The following BARD1 variants were observed in gnomAD, a reference collection of about 807,000 sequenced individuals.
BARD1 encodes BRCA1 associated RING domain 1, also known as BRCA1-associated RING domain protein 1.
A neutral mutation model predicts 77.0 loss-of-function variants in BARD1; 73 were observed. The observed-to-expected ratio is 0.95, with a 90% CI of 0.79 to 1.15. BARD1 has a LOEUF of 1.15. BARD1 is among the 50% of genes most tolerant of loss of function. BARD1 has a pLI of 0.00. For synonymous variants in BARD1, 384 were observed against 338.0 expected, an observed-to-expected ratio of 1.14 and a Z score of -1.49; for missense variants, 993 against 938.8, an observed-to-expected ratio of 1.06 and a Z score of -0.75.
intron 7 of BARD1, among the ~76,000 whole-genome samples, chr2:214,747,627 G>T (rs1693190899): frequency 6.8e-6 from 1 of 146,186 alleles, no homozygotes; most frequent in South Asian, 2.2e-4. Flanking sequence ...AACACCGCAT[G>T]TTCTCACTCA....
At position 214,728,182 on chromosome 2, in the gene BARD1, T is replaced by A. The variant is rs1979028; in HGVS notation, c.*494A>T. ...TGAACACAATATAGGATAAAGACAA[T>A]TGCAGATAGGAGAATTTAACACCTA... On this transcript the variant is annotated 3_prime_UTR_variant, in exon 11 of 11. Coordinates refer to ENST00000260947, the MANE Select transcript of BARD1 (RefSeq NM_000465.4). 74,468 of 229,966 alleles carry A rather than the reference T, an allele frequency of 0.32. 12,426 individuals carry two copies. Among genetic ancestry groups the A allele is most frequent in the South Asian group, 0.41 (2,322 of 5,638 alleles). The allele number at this position is 229,966 out of a possible 1,614,324, so 14.2% of individuals were successfully genotyped here. A position where few individuals can be genotyped will look rare whatever the true frequency, so the allele number is the denominator to read the frequency against.
chr2:214,800,037 C>T (rs1695944260), intron 1 of BARD1, among the ~76,000 whole-genome samples: 1 of 152,216 alleles, frequency 6.6e-6, no homozygotes, highest in Admixed American at 6.5e-5. Context: ...TGTAGGCATA[C>T]CCCCAGGATG....
At chr2:214,762,645 TATTC>T (rs1055086687) in intron 6 of BARD1, among the ~76,000 whole-genome samples, 105 of 152,314 alleles carry the variant, frequency 6.9e-4, no homozygotes, top group African/African-American at 2.4e-3. Flanking sequence ...CAAACTGATG[TATTC>T]ATTTAAAGAA....
rs1045895776 is a variant in BARD1, at chr2:214,773,717, G to A, written c.1315-4405C>T. ...AATTGTTTTGCTGGTGGATGGTCTT[G>A]CCTTGATGCTGCTGGCTGCTGACTG... On this transcript the variant is annotated intron_variant, in intron 4 of 10. Coordinates refer to ENST00000260947, the MANE Select transcript of BARD1 (RefSeq NM_000465.4). 5.3e-5 allele frequency among the ~76,000 whole-genome samples: 8 copies of A among 152,178 alleles called. No homozygotes were observed. The highest frequency in any genetic ancestry group is 1.9e-4 in the African/African-American group (8 of 41,444).
intron 1 of BARD1, among the ~76,000 whole-genome samples, chr2:214,800,285 G>A (rs777376126): frequency 1.1e-4 from 16 of 152,132 alleles, no homozygotes; most frequent in Non-Finnish European, 1.8e-4. Flanking sequence ...TGCTGTTAAC[G>A]GATAAGGAAA....
chr2:214,739,080 T>A (rs2034250), intron 9 of BARD1, among the ~76,000 whole-genome samples: 43,095 of 151,918 alleles, frequency 0.28, 6,330 homozygotes, highest in East Asian at 0.37. Flanking sequence ...ACCCAGGAGT[T>A]CATGGCTGCA....
intron 7 of BARD1, among the ~76,000 whole-genome samples, chr2:214,748,940 G>A (rs1243355234): frequency 6.6e-6 from 1 of 152,092 alleles, no homozygotes; most frequent in South Asian, 2.1e-4. Flanking sequence ...GTAAACAGAA[G>A]AGCCAGCCCC....
Position 214,746,428 on chromosome 2 carries a change from T to C in BARD1, c.1678-574A>G, listed in dbSNP as rs980725999. 1.3e-4 allele frequency among the ~76,000 whole-genome samples: 20 copies of C among 152,114 alleles called. 1 individual carries two copies. Among genetic ancestry groups the C allele is most frequent in the African/African-American group, 3.6e-4 (15 of 41,440 alleles). ...ATCCATAAATAGTAAGAAGTCCATA[T>C]AGCTCACGACTAAGAAAGAAGTGCT... On this transcript the variant is annotated intron_variant, in intron 7 of 10. Transcript: ENST00000260947.
rs1166166747 is a variant in BARD1 at position 214,791,583 on chromosome 2, TAC to T, written c.364+712_364+713del. Among the ~76,000 whole-genome samples, 5 of 152,172 alleles carry T rather than the reference TAC, an allele frequency of 3.3e-5. No homozygotes were observed. In the East Asian group the frequency reaches 7.7e-4, roughly 23 times the overall value. On this transcript the variant is annotated intron_variant, in intron 3 of 10. Coordinates refer to ENST00000260947, the MANE Select transcript of BARD1 (RefSeq NM_000465.4). Reference sequence around the variant, plus strand: ...CTCAGCAGAAAGCACAATGGAAAGATACACAGTTAATACACAGAGTCTAAGGA... The same window carrying T: ...CTCAGCAGAAAGCACAATGGAAAGATACAGTTAATACACAGAGTCTAAGGA...
At chr2:214,741,588 T>C (rs1474444759) in intron 9 of BARD1, among the ~76,000 whole-genome samples, 1 of 152,162 alleles carries the variant, frequency 6.6e-6, no homozygotes, top group African/African-American at 2.4e-5. Context: ...TAATGGCCTG[T>C]GAGAAATTAG....
At chr2:214,798,569 G>C (rs566762654) in intron 1 of BARD1, among the ~76,000 whole-genome samples, 1 of 151,790 alleles carries the variant, frequency 6.6e-6, no homozygotes, top group Non-Finnish European at 1.5e-5. Context: ...TCTCTACCTT[G>C]AAAGAAGTCC....
chr2:214,753,946 T>C (rs1035500632), intron 6 of BARD1, among the ~76,000 whole-genome samples: 7 of 152,160 alleles, frequency 4.6e-5, no homozygotes, highest in Admixed American at 2.0e-4. Context: ...CCAGCCAAGA[T>C]ATAATACAGC....
At chr2:214,800,128 T>C (rs113468621) in intron 1 of BARD1, among the ~76,000 whole-genome samples, 8 of 152,358 alleles carry the variant, frequency 5.3e-5, no homozygotes, top group Non-Finnish European at 8.8e-5. Context: ...ATTTCCTTCC[T>C]AAGATGACTG....
At position 214,781,249 on chromosome 2, in the gene BARD1, T is replaced by C; in HGVS notation, c.625A>G (p.Lys209Glu). Residue 209 changes from lysine (K) to glutamate (E), a missense_variant, in exon 4 of 11, where the codon AAA (lysine) becomes GAA (glutamate). Lys to Glu is a moderately conservative substitution (Grantham distance 56). Transcript: ENST00000260947. ...TTTTGGTTGATTTCAGCTAAAGTTT[T>C]CTTTTTTTGCTTTTTTCCAGATCTT... ...SARSGKKQKK[K>E]TLAEINQKWN... The C allele has an allele frequency of 1.3e-6, 2 of 1,595,874 alleles. No individual in the cohort carries two copies. Among genetic ancestry groups the C allele is most frequent in the African/African-American group, 1.4e-5 (1 of 73,610 alleles).
intron 4 of BARD1, 105 bp from the exon 5 acceptor site, chr2:214,769,417 C>A (rs553163341): frequency 1.1e-6 from 1 of 918,718 alleles, no homozygotes; most frequent in Non-Finnish European, 1.7e-6. Flanking sequence ...AAACTTAAAT[C>A]GTTTTCTCTT....
At chr2:214,803,964 T>G (rs774048737) in intron 1 of BARD1, among the ~76,000 whole-genome samples, 20 of 152,234 alleles carry the variant, frequency 1.3e-4, no homozygotes, top group Middle Eastern at 3.4e-3. Context: ...GGAAGGTAAA[T>G]CCATCTGAGA....
At position 214,809,651 on chromosome 2, in the gene BARD1, C is replaced by A. The variant is rs998285097; in HGVS notation, c.-82G>T. ...AAACCACAGGGAAGCTGCAGGCCAGCGACTCGAAACCGGCCAAGCTCTTCC... is the reference window on the plus strand; with the variant it reads ...AAACCACAGGGAAGCTGCAGGCCAGAGACTCGAAACCGGCCAAGCTCTTCC... On this transcript the variant is annotated 5_prime_UTR_variant, in exon 1 of 11. Transcript: ENST00000260947. The A allele has an allele frequency of 2.0e-6, 3 of 1,490,780 alleles. No individual in the cohort carries two copies. The highest frequency in any genetic ancestry group is 1.8e-6 in the Non-Finnish European group (2 of 1,110,292). The allele number at this position is 1,490,780 out of a possible 1,614,324, so 92.3% of individuals were successfully genotyped here.
At chr2:214,750,696 A>T (rs961291167) in intron 7 of BARD1, among the ~76,000 whole-genome samples, 10 of 152,126 alleles carry the variant, frequency 6.6e-5, no homozygotes, top group African/African-American at 2.4e-4. Flanking sequence ...TCAATTTCTG[A>T]CAATAAGACA....
chr2:214,773,604 G>C (rs1416438392), intron 4 of BARD1, among the ~76,000 whole-genome samples: 1 of 151,596 alleles, frequency 6.6e-6, no homozygotes, highest in African/African-American at 2.4e-5. Context: ...CTATACTGTA[G>C]TCTACTAAGT....
Sources: gnomAD v4.1 joint callset for allele counts (sites outside exome capture counted in the v4.1 genomes callset) on GRCh38, gnomAD v4.1.1 for gene constraint, MANE v1.5 for transcripts, NCBI Gene and HGNC (gene_info 2026-07-23, HGNC 2026-07-21) for gene names.